Variants in LHFPL6 observed in about 807,000 individuals in gnomAD.
LHFPL6 encodes LHFPL tetraspan subfamily member 6 protein.
A neutral mutation model predicts 20.6 loss-of-function variants in LHFPL6; 9 were observed. The observed-to-expected ratio is 0.44, with a 90% CI of 0.26 to 0.76. The LOEUF (loss-of-function observed/expected upper bound fraction) is 0.76, where lower values mean the gene tolerates loss of function less well. LHFPL6 is among the 30% of genes least tolerant of loss of function. LHFPL6 has a pLI of 0.20. For synonymous variants in LHFPL6, 105 were observed against 98.7 expected, an observed-to-expected ratio of 1.06 and a Z score of -0.38; for missense variants, 218 against 253.5, an observed-to-expected ratio of 0.86 and a Z score of 0.95.
chr13:39,378,126 C>T (rs1260071672), intron 3 of LHFPL6, among the ~76,000 whole-genome samples: 2 of 152,050 alleles, frequency 1.3e-5, no homozygotes, highest in Non-Finnish European at 2.9e-5. Flanking sequence ...TATTTTTAGC[C>T]CATGCAATGG....
At chr13:39,480,548 T>C (rs1025962539) in intron 2 of LHFPL6, among the ~76,000 whole-genome samples, 2 of 152,164 alleles carry the variant, frequency 1.3e-5, no homozygotes. Context: ...TGTGTCTTGA[T>C]TGGTAGCTTG....
Position 39,348,138 on chromosome 13 carries a change from A to C in LHFPL6, c.485-4084T>G, listed in dbSNP as rs1869457469. Among the ~76,000 whole-genome samples, 3 of 152,170 alleles carry C rather than the reference A, an allele frequency of 2.0e-5. No individual in the cohort carries two copies. The South Asian group carries it at 6.2e-4, about 32-fold the overall frequency. ...TTTGTTTTTGGCAGAGAAGTCAATA[A>C]AATAGCAGAAGTTTAAGCTTCAGGG... On this transcript the variant is annotated intron_variant, in intron 3 of 3. Transcript: ENST00000379589.
chr13:39,460,155 C>T (rs941651765), intron 2 of LHFPL6, among the ~76,000 whole-genome samples: 3 of 152,206 alleles, frequency 2.0e-5, no homozygotes, highest in African/African-American at 7.2e-5. Context: ...AACCAAAAAG[C>T]TCACACCATA....
intron 2 of LHFPL6, among the ~76,000 whole-genome samples, chr13:39,478,707 A>G (rs1868393058): frequency 6.6e-6 from 1 of 151,992 alleles, no homozygotes; most frequent in Non-Finnish European, 1.5e-5. Context: ...AGGCAGAGAA[A>G]TAAGTAATTC....
intron 2 of LHFPL6, among the ~76,000 whole-genome samples, chr13:39,403,338 G>C (rs1344829055): frequency 1.3e-5 from 2 of 152,206 alleles, no homozygotes; most frequent in African/African-American, 4.8e-5. Context: ...AAGTTAATTA[G>C]TGTCAGCTTT....
chr13:39,389,236 A>G (rs1334088256), intron 2 of LHFPL6, among the ~76,000 whole-genome samples: 2 of 152,150 alleles, frequency 1.3e-5, no homozygotes, highest in Admixed American at 6.6e-5. Context: ...CCATGACCTC[A>G]GGGGAGGGGC....
At chr13:39,572,288 CTGTGTG>C (rs3222813) in intron 2 of LHFPL6, among the ~76,000 whole-genome samples, 10,199 of 143,428 alleles carry the variant, frequency 0.071, 534 homozygotes, top group African/African-American at 0.15. Flanking sequence ...TTTTTAAACT[CTGTGTG>C]TGTGTGTGTG....
chr13:39,503,691 A>G (rs1339405205), intron 2 of LHFPL6, among the ~76,000 whole-genome samples: 3 of 152,234 alleles, frequency 2.0e-5, no homozygotes, highest in Admixed American at 2.0e-4. Flanking sequence ...AATTTTACAC[A>G]ATACGTAACC....
intron 2 of LHFPL6, among the ~76,000 whole-genome samples, chr13:39,446,278 T>A (rs910378142): frequency 2.0e-5 from 3 of 152,176 alleles, no homozygotes; most frequent in African/African-American, 7.2e-5. Flanking sequence ...TGTGTATGTA[T>A]CTATGAGACT....
At position 39,588,841 on chromosome 13, in the gene LHFPL6, C is replaced by T. The variant is rs1220491044; in HGVS notation, c.385+11991G>A. Among the ~76,000 whole-genome samples, 3 of 152,056 alleles carry T rather than the reference C, an allele frequency of 2.0e-5. No homozygotes were observed. The East Asian group carries it at 5.8e-4, about 29-fold the overall frequency. On this transcript the variant is annotated intron_variant, in intron 2 of 3. Coordinates refer to ENST00000379589, the MANE Select transcript of LHFPL6 (RefSeq NM_005780.3). ...TCATTTACTATTCTAGTCACTGCAG[C>T]ATTAGAATAAAAATATAAGTCATCG... is the stretch of plus-strand genomic sequence containing the variant.
chr13:39,468,202 G>T (rs532316982), intron 2 of LHFPL6, among the ~76,000 whole-genome samples: 7 of 152,196 alleles, frequency 4.6e-5, no homozygotes, highest in African/African-American at 1.7e-4. Flanking sequence ...TGTGATCTGT[G>T]CAAGCCTATG....
At chr13:39,398,833 A>G (rs886662704) in intron 2 of LHFPL6, among the ~76,000 whole-genome samples, 2 of 152,198 alleles carry the variant, frequency 1.3e-5, no homozygotes, top group African/African-American at 4.8e-5. Context: ...CATGCAAAGG[A>G]TCTACGTTGT....
intron 2 of LHFPL6, among the ~76,000 whole-genome samples, chr13:39,477,476 A>T (rs575034599): frequency 2.0e-5 from 3 of 152,290 alleles, no homozygotes; most frequent in Admixed American, 6.5e-5. Flanking sequence ...CTGCAAACAT[A>T]TTCTTTGTCC....
chr13:39,459,791 C>A (rs1174856628), intron 2 of LHFPL6, among the ~76,000 whole-genome samples: 1 of 152,138 alleles, frequency 6.6e-6, no homozygotes, highest in African/African-American at 2.4e-5. Flanking sequence ...TAGGGATAAT[C>A]ATTTGTGGCA....
intron 2 of LHFPL6, among the ~76,000 whole-genome samples, chr13:39,405,295 T>C (rs17059819): frequency 0.016 from 2,417 of 152,342 alleles, 82 homozygotes; most frequent in African/African-American, 0.055. Flanking sequence ...CTGAGCTATA[T>C]GAAACATTTG....
At chr13:39,392,740 T>A (rs975351129) in intron 2 of LHFPL6, among the ~76,000 whole-genome samples, 1 of 152,088 alleles carries the variant, frequency 6.6e-6, no homozygotes, top group Non-Finnish European at 1.5e-5. Context: ...AAAACCTGAA[T>A]ACCAGTTGTA....
At chr13:39,513,919 A>T (rs1391000277) in intron 2 of LHFPL6, among the ~76,000 whole-genome samples, 1 of 152,116 alleles carries the variant, frequency 6.6e-6, no homozygotes, top group Non-Finnish European at 1.5e-5. Flanking sequence ...AGTCCCTTCT[A>T]ACTCTGAGAA....
At chr13:39,491,153 A>C (rs948839824) in intron 2 of LHFPL6, among the ~76,000 whole-genome samples, 1 of 152,214 alleles carries the variant, frequency 6.6e-6, no homozygotes, top group Non-Finnish European at 1.5e-5. Flanking sequence ...TACAAGGCAA[A>C]ATGTGAAGCA....
intron 2 of LHFPL6, among the ~76,000 whole-genome samples, chr13:39,502,556 G>C (rs1171433090): frequency 6.6e-6 from 1 of 152,024 alleles, no homozygotes; most frequent in African/African-American, 2.4e-5. Flanking sequence ...AGGAGCTTGA[G>C]GCTCCAGTGA....
Sources: allele counts gnomAD v4.1 joint callset (sites outside exome capture counted in the v4.1 genomes callset), GRCh38; gene constraint gnomAD v4.1.1; transcripts MANE v1.5; gene names NCBI Gene and HGNC (gene_info 2026-07-23, HGNC 2026-07-21).